PLA2G4C: variants seen among roughly 807,000 people sequenced by gnomAD.
PLA2G4C encodes the protein cytosolic phospholipase A2 gamma.
PLA2G4C carries 64 observed loss-of-function variants against 73.8 expected under a neutral mutation model. The ratio of observed to expected loss-of-function variants is 0.87; its 90% CI spans 0.71 to 1.07. PLA2G4C has a LOEUF of 1.07. Ranked by LOEUF, PLA2G4C falls within the 50% of genes least tolerant of loss-of-function variation. The probability of loss-of-function intolerance (pLI) is 0.00; values close to 1 mark genes in which losing one functional copy is unlikely to be tolerated. For synonymous variants in PLA2G4C, 254 were observed against 252.1 expected, an observed-to-expected ratio of 1.01 and a Z score of -0.07; for missense variants, 622 against 665.4, an observed-to-expected ratio of 0.93 and a Z score of 0.72.
intron 13 of PLA2G4C, among the ~76,000 whole-genome samples, chr19:48,065,877 C>T (rs970511117): frequency 4.6e-5 from 7 of 151,986 alleles, no homozygotes; most frequent in South Asian, 2.1e-4. Flanking sequence ...GGGTAGATCA[C>T]GAGGTCAGGA....
intron 7 of PLA2G4C, among the ~76,000 whole-genome samples, chr19:48,093,320 T>C (rs763452159): frequency 6.6e-6 from 1 of 152,140 alleles, no homozygotes; most frequent in African/African-American, 2.4e-5. Context: ...TTCATCCATC[T>C]CCAGGTTTCC....
intron 16 of PLA2G4C, among the ~76,000 whole-genome samples, chr19:48,050,528 C>T (rs934726596): frequency 2.2e-4 from 33 of 152,102 alleles, no homozygotes; most frequent in African/African-American, 7.2e-4. Context: ...CAAAACTTAA[C>T]AGCAGCTTCC....
At chr19:48,062,538 A>G (rs1968229258) in intron 13 of PLA2G4C, among the ~76,000 whole-genome samples, 1 of 152,148 alleles carries the variant, frequency 6.6e-6, no homozygotes, top group Non-Finnish European at 1.5e-5. Flanking sequence ...TGAACCCATG[A>G]GCCGGAGGTT....
chr19:48,084,040 TTGTGTGTGTGTG>T (rs71181645), intron 10 of PLA2G4C, among the ~76,000 whole-genome samples: 3 of 139,130 alleles, frequency 2.2e-5, no homozygotes, highest in East Asian at 2.2e-4. Flanking sequence ...AATGCCAATT[TTGTGTGTGTGTG>T]TGTGTGTGTG....
intron 13 of PLA2G4C, among the ~76,000 whole-genome samples, chr19:48,063,582 G>A (rs1438901002): frequency 5.7e-5 from 1 of 17,606 alleles, no homozygotes; most frequent in African/African-American, 2.2e-4. Flanking sequence ...CCGTCCCCCC[G>A]CCAACACCCT....
chr19:48,083,567 CT>C, intron 10 of PLA2G4C, among the ~76,000 whole-genome samples: 1 of 150,768 alleles, frequency 6.6e-6, no homozygotes, highest in Admixed American at 6.6e-5. Flanking sequence ...CCTGCCTCAG[CT>C]TCCCGTGTAG....
At chr19:48,074,344 A>G (rs1356463410) in intron 12 of PLA2G4C, 2 of 179,078 alleles carry the variant, frequency 1.1e-5, no homozygotes, top group Non-Finnish European at 2.4e-5. Context: ...ATAGTATTCC[A>G]TGGTGTATAT....
rs531073017 is a variant in PLA2G4C at position 48,067,840 on chromosome 19, G to C, written c.1053C>G (p.Cys351Trp). ...LMDFVKKTGI[C>W]ASKWEWGTTH... ...TGGTCCCCCATTCCCACTTTGAAGCGCAAATGCCTGTTTTCTTCACAAAAT... is the reference window on the plus strand; with the variant it reads ...TGGTCCCCCATTCCCACTTTGAAGCCCAAATGCCTGTTTTCTTCACAAAAT... Residue 351 changes from cysteine to tryptophan, a missense_variant, in exon 13 of 17, where the codon TGC becomes TGG. Coordinates refer to ENST00000599921, the MANE Select transcript of PLA2G4C (RefSeq NM_003706.3). 6.2e-7 allele frequency: 1 copy of C among 1,613,670 alleles called. No homozygotes were observed. The highest frequency in any genetic ancestry group is 8.5e-7 in the Non-Finnish European group (1 of 1,179,624).
Position 48,061,586 on chromosome 19 carries a change from C to G in PLA2G4C, c.1257+412G>C, listed in dbSNP as rs534345161. The G allele has an allele frequency of 1.6e-4, 31 of 199,740 alleles. No homozygotes were observed. The South Asian group carries it at 2.2e-3, about 14-fold the overall frequency. The allele number at this position is 199,740 out of a possible 1,614,324, so 12.4% of individuals were successfully genotyped here. A position where few individuals can be genotyped will look rare whatever the true frequency, so the allele number is the denominator to read the frequency against. On this transcript the variant is annotated intron_variant, in intron 14 of 16. Coordinates refer to ENST00000599921, the MANE Select transcript of PLA2G4C (RefSeq NM_003706.3). ...TATACTTGCATATGTTCTCACTCAG[C>G]AAACATTTATTGAGGGCCACTATTT... is the stretch of plus-strand genomic sequence containing the variant.
chr19:48,051,184 G>A (rs1207525630), intron 16 of PLA2G4C, among the ~76,000 whole-genome samples: 1 of 152,154 alleles, frequency 6.6e-6, no homozygotes, highest in Non-Finnish European at 1.5e-5. Context: ...AGGAATGCGG[G>A]TGGCCCCTAG....
At position 48,101,122 on chromosome 19, in the gene PLA2G4C, A is replaced by AT. The variant is rs1301166875; in HGVS notation, c.258-1263dup. 1.9e-3 allele frequency among the ~76,000 whole-genome samples: 128 copies of AT among 66,538 alleles called. 1 individual carries two copies. Among genetic ancestry groups the AT allele is most frequent in the African/African-American group, 9.8e-3 (121 of 12,350 alleles). 43.7% of individuals were successfully genotyped at this position (66,538 alleles called of 152,430 possible). ...ATAGAGTCTATATATATATATATATATATATTTTTTTTTTTTTTTTTGAGA... is the reference window on the plus strand; with the variant it reads ...ATAGAGTCTATATATATATATATATATTATATTTTTTTTTTTTTTTTTGAGA... On this transcript the variant is annotated intron_variant, in intron 4 of 16. Coordinates refer to ENST00000599921, the MANE Select transcript of PLA2G4C (RefSeq NM_003706.3).
Position 48,067,716 on chromosome 19 carries a change from G to A in PLA2G4C, c.1102+75C>T, listed in dbSNP as rs983717804. On this transcript the variant is annotated intron_variant, in intron 13 of 16. Coordinates refer to ENST00000599921, the MANE Select transcript of PLA2G4C (RefSeq NM_003706.3). ...AAGGACCAGCCTGGGATTGTTTCAG[G>A]CCCACCCCCTTCCCCTACTCCAGCC... is the stretch of plus-strand genomic sequence containing the variant. The A allele has an allele frequency of 8.1e-6, 8 of 991,350 alleles. No individual in the cohort carries two copies. In the Admixed American group the frequency reaches 1.2e-4, roughly 15 times the overall value. The allele number at this position is 991,350 out of a possible 1,614,324, so 61.4% of individuals were successfully genotyped here.
chr19:48,104,792 G>A (rs1180326113), intron 3 of PLA2G4C, 68 bp from the exon 4 acceptor site: 2 of 1,525,390 alleles, frequency 1.3e-6, no homozygotes, highest in Non-Finnish European at 1.8e-6. Flanking sequence ...CAAGAAGAAG[G>A]GTACCTGGGG....
intron 10 of PLA2G4C, among the ~76,000 whole-genome samples, chr19:48,084,327 T>C (rs1600218620): frequency 2.6e-5 from 4 of 152,238 alleles, no homozygotes; most frequent in Admixed American, 2.6e-4. Context: ...CCCAAAGTGC[T>C]GGGATTACAG....
chr19:48,100,011 T>C (rs1263921164), intron 4 of PLA2G4C, 151 bp from the exon 5 acceptor site: 14 of 545,578 alleles, frequency 2.6e-5, no homozygotes, highest in Middle Eastern at 4.9e-4. Flanking sequence ...ATTAAATAAA[T>C]ACAACTGCAG....
chr19:48,098,941 T>A (rs251675), intron 5 of PLA2G4C, among the ~76,000 whole-genome samples: 99,461 of 149,428 alleles, frequency 0.67, 33,249 homozygotes, highest in African/African-American at 0.75. Context: ...AAAAACCCGA[T>A]GTGTTAGGAT....
chr19:48,052,955 G>A, intron 16 of PLA2G4C, 42 bp downstream of exon 16: 1 of 1,566,880 alleles, frequency 6.4e-7, no homozygotes. Context: ...GATACTTACT[G>A]AACGAGCATA....
rs546848937 is a variant in PLA2G4C, at chr19:48,068,174, G to A, written c.1007-288C>T. On this transcript the variant is annotated intron_variant, in intron 12 of 16. Coordinates refer to ENST00000599921, the MANE Select transcript of PLA2G4C (RefSeq NM_003706.3). ...AAAATTAGCTGGGCGTGGTGGTGGCGCATGCCTGTAGTCCCAGCTACTGGG... is the reference window on the plus strand; with the variant it reads ...AAAATTAGCTGGGCGTGGTGGTGGCACATGCCTGTAGTCCCAGCTACTGGG... 7.9e-5 allele frequency among the ~76,000 whole-genome samples: 12 copies of A among 152,008 alleles called. No homozygotes were observed. In the South Asian group the frequency reaches 8.3e-4, roughly 11 times the overall value.
chr19:48,106,417 C>G (rs972725104), intron 2 of PLA2G4C, 105 bp downstream of exon 2: 16 of 913,506 alleles, frequency 1.8e-5, no homozygotes, highest in Middle Eastern at 4.3e-4. Flanking sequence ...TCTATCTCCA[C>G]CAAGCGAGAG....
Sources: allele counts gnomAD v4.1 joint callset (sites outside exome capture counted in the v4.1 genomes callset), GRCh38; gene constraint gnomAD v4.1.1; transcripts MANE v1.5; gene names NCBI Gene and HGNC (gene_info 2026-07-23, HGNC 2026-07-21).